The following KLHL13 variants were observed in gnomAD, a reference collection of about 807,000 sequenced individuals.
KLHL13 encodes the protein kelch-like protein 13.
KLHL13 carries 10 observed loss-of-function variants against 37.1 expected under a neutral mutation model. That is an observed-to-expected ratio of 0.27 (90% CI 0.17 to 0.46). The LOEUF is 0.46. Ranked by LOEUF, KLHL13 falls within the 20% of genes least tolerant of loss-of-function variation. The probability of loss-of-function intolerance (pLI) is 1.00; values close to 1 mark genes in which losing one functional copy is unlikely to be tolerated. For synonymous variants in KLHL13, 163 were observed against 181.2 expected (o/e 0.90, Z 0.81); for missense variants, 360 against 509.3 (o/e 0.71, Z 2.82).
chrX:118,103,942 C>T (rs1183966986), intron 1 of KLHL13, among the ~76,000 whole-genome samples: 2 of 107,248 alleles, frequency 1.9e-5, no homozygotes, highest in African/African-American at 6.8e-5. Flanking sequence ...CACATGCAGT[C>T]GCTCACACCT....
intron 1 of KLHL13, among the ~76,000 whole-genome samples, chrX:117,970,479 CTA>C (rs1341049596): frequency 9.0e-6 from 1 of 111,519 alleles, no homozygotes; most frequent in Non-Finnish European, 1.9e-5. Context: ...CCATTTAAAC[CTA>C]TGTTTGCCAG....
intron 1 of KLHL13, among the ~76,000 whole-genome samples, chrX:118,079,005 G>C (rs1277295117): frequency 9.1e-6 from 1 of 109,348 alleles, no homozygotes; most frequent in East Asian, 2.8e-4. Flanking sequence ...TTCTATTGCA[G>C]GTAAATTATA....
At chrX:117,994,890 T>TATAAAAA (rs376843018) in intron 1 of KLHL13, among the ~76,000 whole-genome samples, 1 of 110,936 alleles carries the variant, frequency 9.0e-6, no homozygotes, top group African/African-American at 3.3e-5. Flanking sequence ...ACTTCATCTG[T>TATAAAAA]ATAAAAAATA....
At chrX:118,043,611 A>G (rs1251562100) in intron 1 of KLHL13, among the ~76,000 whole-genome samples, 3 of 112,201 alleles carry the variant, frequency 2.7e-5, no homozygotes, top group African/African-American at 9.7e-5. Flanking sequence ...GTGGTATATA[A>G]TATCAATAGA....
intron 2 of KLHL13, among the ~76,000 whole-genome samples, chrX:117,932,876 T>C (rs1184349061): frequency 9.0e-6 from 1 of 111,621 alleles, no homozygotes; most frequent in Non-Finnish European, 1.9e-5. Flanking sequence ...CCAGAATTTG[T>C]TATATTTTGC....
At chrX:117,990,565 A>G (rs1016212720) in intron 1 of KLHL13, among the ~76,000 whole-genome samples, 1 of 111,936 alleles carries the variant, frequency 8.9e-6, no homozygotes, top group East Asian at 2.8e-4. Flanking sequence ...GCTACAAGTC[A>G]TGACGAAAGA....
chrX:118,032,778 C>A (rs917195175), intron 1 of KLHL13, among the ~76,000 whole-genome samples: 1 of 111,833 alleles, frequency 8.9e-6, no homozygotes, highest in African/African-American at 3.3e-5. Flanking sequence ...AGGCTTCAGA[C>A]GGTCAAATTA....
intron 2 of KLHL13, among the ~76,000 whole-genome samples, chrX:117,944,150 G>C (rs1324326995): frequency 9.0e-6 from 1 of 111,031 alleles, no homozygotes; most frequent in African/African-American, 3.3e-5. Flanking sequence ...GGTATCACCA[G>C]TGGGGGCTCA....
chrX:117,995,580 C>T (rs765654964), intron 1 of KLHL13, among the ~76,000 whole-genome samples: 17 of 111,399 alleles, frequency 1.5e-4, no homozygotes, highest in Non-Finnish European at 2.8e-4. Context: ...TGTTGCGCAA[C>T]CACCCCCTTC....
intron 1 of KLHL13, among the ~76,000 whole-genome samples, chrX:118,056,811 T>C (rs1569304999): frequency 1.8e-5 from 2 of 111,890 alleles, no homozygotes. Flanking sequence ...TGTTACTAGG[T>C]AAAAATGGGG....
Position 118,052,805 on chromosome X carries a change from C to T in KLHL13, c.-56+63703G>A, listed in dbSNP as rs188274888. On this transcript the variant is annotated intron_variant, in intron 1 of 6. Transcript: ENST00000371882. ...TCGTACCACTGCACGCCAGTCAGGCCGACAGAGCAAGACGCCATCTCAAGA... is the reference window on the plus strand; with the variant it reads ...TCGTACCACTGCACGCCAGTCAGGCTGACAGAGCAAGACGCCATCTCAAGA... 2.8e-5 allele frequency among the ~76,000 whole-genome samples: 3 copies of T among 108,237 alleles called. No individual in the cohort carries two copies. In the East Asian group the frequency reaches 8.6e-4, roughly 31 times the overall value. The allele number at this position is 108,237 out of a possible 115,157, so 94.0% of individuals were successfully genotyped here.
At chrX:118,053,234 C>G (rs1377127988) in intron 1 of KLHL13, among the ~76,000 whole-genome samples, 10 of 111,909 alleles carry the variant, frequency 8.9e-5, no homozygotes, top group Non-Finnish European at 1.7e-4. Flanking sequence ...AGACTTGGAA[C>G]CAACCCAAAT....
At chrX:117,901,995 C>T (rs746707659) in intron 5 of KLHL13, 49 bp from the exon 7 acceptor site, 8 of 667,046 alleles carry the variant, frequency 1.2e-5, no homozygotes, top group Non-Finnish European at 1.9e-5. Flanking sequence ...TCAAATTTAG[C>T]AATTAATTAT....
intron 1 of KLHL13, among the ~76,000 whole-genome samples, chrX:118,051,268 C>T (rs1264198256): frequency 1.8e-5 from 2 of 109,869 alleles, no homozygotes; most frequent in South Asian, 3.8e-4. Flanking sequence ...TGGCCGGGTA[C>T]GGTGGCTCAC....
At chrX:118,088,682 A>T (rs1008179956) in intron 1 of KLHL13, among the ~76,000 whole-genome samples, 6 of 112,155 alleles carry the variant, frequency 5.3e-5, no homozygotes, top group Admixed American at 1.9e-4. Flanking sequence ...TGGTTTCAAG[A>T]TATAATCAAA....
intron 1 of KLHL13, among the ~76,000 whole-genome samples, chrX:118,046,949 G>A (rs1435955973): frequency 9.0e-6 from 1 of 111,577 alleles, no homozygotes; most frequent in Non-Finnish European, 1.9e-5. Context: ...CAATATCAGT[G>A]GGGAGAACTT....
chrX:118,089,252 A>C (rs1489168460), intron 1 of KLHL13, among the ~76,000 whole-genome samples: 1 of 110,356 alleles, frequency 9.1e-6, no homozygotes, highest in African/African-American at 3.3e-5. Flanking sequence ...CAGGACTTTC[A>C]CCACTATCCA....
intron 4 of KLHL13, among the ~76,000 whole-genome samples, chrX:117,915,038 C>T (rs1931251575): frequency 9.0e-6 from 1 of 111,586 alleles, no homozygotes; most frequent in Admixed American, 9.4e-5. Context: ...CCAATATCAG[C>T]CCTGTCAATA....
Position 117,994,863 on chromosome X carries a change from CT to C in KLHL13, c.-55-49289del, listed in dbSNP as rs34245982. Among the ~76,000 whole-genome samples, 773 of 111,220 alleles carry C rather than the reference CT, an allele frequency of 7.0e-3. 11 individuals carry two copies. Among genetic ancestry groups the C allele is most frequent in the African/African-American group, 0.024 (730 of 30,502 alleles). On this transcript the variant is annotated intron_variant, in intron 1 of 6. Transcript: ENST00000371882. ...GAAGTGGGAAGAGTTCAAGACTAGCCTGGACAACATAGTGAGACTTCATCTG... is the reference window on the plus strand; with the variant it reads ...GAAGTGGGAAGAGTTCAAGACTAGCCGGACAACATAGTGAGACTTCATCTG...
Sources: allele counts gnomAD v4.1 joint callset (sites outside exome capture counted in the v4.1 genomes callset), GRCh38; gene constraint gnomAD v4.1.1; transcripts MANE v1.5; gene names NCBI Gene and HGNC (gene_info 2026-07-23, HGNC 2026-07-21).